The following RNFT2 variants were observed in gnomAD, a reference collection of about 807,000 sequenced individuals.
The protein encoded by RNFT2 is E3 ubiquitin-protein ligase RNFT2.
A neutral mutation model predicts 53.0 loss-of-function variants in RNFT2; 36 were observed. The observed-to-expected ratio is 0.68, with a 90% CI of 0.52 to 0.90. The LOEUF (loss-of-function observed/expected upper bound fraction) is 0.90. RNFT2 is among the 40% of genes least tolerant of loss of function. The pLI, the probability that RNFT2 is intolerant of heterozygous loss-of-function variation, is 0.00. For missense variants in RNFT2, 514 were observed against 585.6 expected (o/e 0.88, Z 1.26); for synonymous variants, 260 against 253.2 (o/e 1.03, Z -0.26).
At chr12:116,771,861 T>C (rs1313006449) in intron 6 of RNFT2, among the ~76,000 whole-genome samples, 1 of 152,172 alleles carries the variant, frequency 6.6e-6, no homozygotes, top group African/African-American at 2.4e-5. Context: ...CACCTGGAAG[T>C]TCTTTTGAAA....
At chr12:116,846,534 C>T (rs1269099714) in intron 10 of RNFT2, among the ~76,000 whole-genome samples, 1 of 151,230 alleles carries the variant, frequency 6.6e-6, no homozygotes, top group African/African-American at 2.4e-5. Context: ...GAGCCATCCT[C>T]CTGCCTTCGC....
rs1566069355 is a variant in RNFT2, at chr12:116,750,831, T to TTAC, written c.550+524_550+525insTAC. 2.8e-3 allele frequency among the ~76,000 whole-genome samples: 9 copies of TTAC among 3,200 alleles called. 1 individual carries two copies. Among genetic ancestry groups the TTAC allele is most frequent in the African/African-American group, 9.0e-3 (6 of 666 alleles). 2.1% of individuals were successfully genotyped at this position (3,200 alleles called of 152,430 possible). On this transcript the variant is annotated intron_variant, in intron 4 of 10. Transcript: ENST00000257575. ...TATAATATATATATTATATATATAA[T>TTAC]ATATATATTATATATATATAATATA...
At chr12:116,807,390 GT>G (rs1875133427) in intron 7 of RNFT2, among the ~76,000 whole-genome samples, 1 of 152,076 alleles carries the variant, frequency 6.6e-6, no homozygotes, top group Non-Finnish European at 1.5e-5. Context: ...AATATCCAGT[GT>G]CCCTAGTACT....
intron 6 of RNFT2, among the ~76,000 whole-genome samples, chr12:116,776,916 ATT>A (rs10634667): frequency 1.6e-5 from 2 of 125,920 alleles, no homozygotes; most frequent in Non-Finnish European, 1.6e-5. Flanking sequence ...TCAAAATGGG[ATT>A]TTTTTTTTTT....
chr12:116,838,686 TC>T (rs1392573237), intron 10 of RNFT2, among the ~76,000 whole-genome samples: 2 of 152,214 alleles, frequency 1.3e-5, no homozygotes, highest in Admixed American at 6.5e-5. Context: ...CATCTGTAGT[TC>T]CTTCTTGGTA....
chr12:116,759,838 C>A (rs996527370), intron 5 of RNFT2, among the ~76,000 whole-genome samples: 1 of 152,156 alleles, frequency 6.6e-6, no homozygotes, highest in Non-Finnish European at 1.5e-5. Context: ...GCTGGTTGGC[C>A]TCCTGCCAGG....
intron 10 of RNFT2, among the ~76,000 whole-genome samples, chr12:116,843,069 C>G (rs989155950): frequency 1.3e-5 from 2 of 152,180 alleles, no homozygotes; most frequent in Admixed American, 1.3e-4. Context: ...TGATTGTAGG[C>G]TCTTGTCCCA....
intron 7 of RNFT2, among the ~76,000 whole-genome samples, chr12:116,793,770 A>G (rs1874359636): frequency 6.6e-6 from 1 of 152,140 alleles, no homozygotes; most frequent in African/African-American, 2.4e-5. Context: ...AGTCCTTCCT[A>G]ACCACCCTGC....
intron 7 of RNFT2, among the ~76,000 whole-genome samples, chr12:116,788,107 A>G (rs1038340449): frequency 5.3e-5 from 8 of 152,108 alleles, no homozygotes; most frequent in Non-Finnish European, 1.5e-5. Flanking sequence ...TTATATTTTT[A>G]GTAGAGATGG....
In RNFT2 at chr12:116,779,222, G is replaced by A. The variant is rs375636770; in HGVS notation, c.756G>A (p.Glu252=). The A allele has an allele frequency of 4.3e-6, 7 of 1,614,008 alleles. No homozygotes were observed. The highest frequency in any genetic ancestry group is 1.1e-5 in the South Asian group (1 of 91,082). The change falls in exon 7 of 11, where the codon GAG becomes GAA. Residue 252 remains glutamate (E), a synonymous_variant. Transcript: ENST00000257575. ...NSLIFLKPNL[E]MLDFFDLLWI... ...TCATATTCCTGAAGCCCAACCTGGA[G>A]ATGCTGGACTTCTTTGACCTGCTAT...
intron 7 of RNFT2, among the ~76,000 whole-genome samples, chr12:116,788,034 TCTC>T (rs1396170536): frequency 2.0e-5 from 3 of 152,238 alleles, no homozygotes; most frequent in South Asian, 2.1e-4. Context: ...TTCAAGCAAT[TCTC>T]CTGCCTCAGC....
intron 8 of RNFT2, among the ~76,000 whole-genome samples, chr12:116,834,652 G>A (rs774630188): frequency 1.8e-4 from 28 of 152,010 alleles, no homozygotes; most frequent in Non-Finnish European, 3.4e-4. Flanking sequence ...CATATAAATG[G>A]AATCATGTAA....
intron 7 of RNFT2, among the ~76,000 whole-genome samples, chr12:116,810,190 A>C (rs1875301427): frequency 6.6e-6 from 1 of 152,104 alleles, no homozygotes; most frequent in South Asian, 2.1e-4. Context: ...GGAAGCAGTC[A>C]CTCCAAGGCC....
At position 116,826,371 on chromosome 12, in the gene RNFT2, G is replaced by A. The variant is rs540260544; in HGVS notation, c.883-7421G>A. Among the ~76,000 whole-genome samples, 28 of 152,126 alleles carry A rather than the reference G, an allele frequency of 1.8e-4. No homozygotes were observed. In the East Asian group the frequency reaches 5.0e-3, roughly 27 times the overall value. On this transcript the variant is annotated intron_variant, in intron 7 of 10. Transcript: ENST00000257575. ...AGCACGTCCTGCAACAATTGCTACC[G>A]TTTCCCCTTCACGGTGGCAGGGAGG...
intron 10 of RNFT2, among the ~76,000 whole-genome samples, chr12:116,838,534 T>G (rs556737102): frequency 6.6e-6 from 1 of 152,324 alleles, no homozygotes; most frequent in East Asian, 1.9e-4. Context: ...CGCTTGCTTC[T>G]TCCCTCACCA....
At chr12:116,752,174 A>C (rs888771999) in intron 4 of RNFT2, among the ~76,000 whole-genome samples, 2 of 128,856 alleles carry the variant, frequency 1.6e-5, no homozygotes, top group African/African-American at 5.8e-5. Context: ...ACATAGTGAG[A>C]CCCTATCTCT....
Position 116,740,529 on chromosome 12 carries a change from G to A in RNFT2, c.24+8G>A, listed in dbSNP as rs368315311. 8.4e-5 allele frequency: 132 copies of A among 1,566,976 alleles called. No individual in the cohort carries two copies. Among genetic ancestry groups the A allele is most frequent in the Non-Finnish European group, 1.1e-4 (123 of 1,154,618 alleles). On this transcript the variant is annotated splice_region_variant and intron_variant, in intron 2 of 10. Coordinates refer to ENST00000257575, the MANE Select transcript of RNFT2 (RefSeq NM_001382266.1). Reference sequence around the variant, plus strand: ...CTCTTCACAGTGAATCAGGTGACACGTCTCCAAGAGAATTTGCATCTTTAT... The same window carrying A: ...CTCTTCACAGTGAATCAGGTGACACATCTCCAAGAGAATTTGCATCTTTAT...
At chr12:116,758,925 G>A (rs537294428) in intron 5 of RNFT2, among the ~76,000 whole-genome samples, 101 of 152,222 alleles carry the variant, frequency 6.6e-4, no homozygotes, top group African/African-American at 2.3e-3. Context: ...GGCCGGGGAC[G>A]TTTTCCTCGA....
chr12:116,847,713 G>T lies in RNFT2; in HGVS notation c.1201-1601G>T, dbSNP rs148684270. Among the ~76,000 whole-genome samples, 393 of 152,166 alleles carry T rather than the reference G, an allele frequency of 2.6e-3. 1 individual carries two copies. Among genetic ancestry groups the T allele is most frequent in the African/African-American group, 9.1e-3 (377 of 41,506 alleles). ...TGGCTAATTTTGTATTTTTAGTAGAGATGGGGTTTCTCCATGTTGGTCAGG... is the reference window on the plus strand; with the variant it reads ...TGGCTAATTTTGTATTTTTAGTAGATATGGGGTTTCTCCATGTTGGTCAGG... On this transcript the variant is annotated intron_variant, in intron 10 of 10. Coordinates refer to ENST00000257575, the MANE Select transcript of RNFT2 (RefSeq NM_001382266.1).
Sources: allele counts gnomAD v4.1 joint callset (sites outside exome capture counted in the v4.1 genomes callset), GRCh38; gene constraint gnomAD v4.1.1; transcripts MANE v1.5; gene names NCBI Gene and HGNC (gene_info 2026-07-23, HGNC 2026-07-21).